TNFSF4: variants seen among roughly 807,000 people sequenced by gnomAD.
The protein encoded by TNFSF4 is TNF superfamily member 4.
A neutral mutation model predicts 7.3 loss-of-function variants in TNFSF4; 4 were observed. The ratio of observed to expected loss-of-function variants is 0.55; its 90% CI spans 0.27 to 1.25. TNFSF4 has a LOEUF of 1.25. Ranked by LOEUF, TNFSF4 falls within the 50% of genes most tolerant of loss-of-function variation. The pLI, the probability that TNFSF4 is intolerant of heterozygous loss-of-function variation, is 0.12. For synonymous variants in TNFSF4, 76 were observed against 83.7 expected, an observed-to-expected ratio of 0.91 and a Z score of 0.50; for missense variants, 181 against 208.8, an observed-to-expected ratio of 0.87 and a Z score of 0.82.
chr1:173,402,825 G>A, the TNFSF4 span, among the ~76,000 whole-genome samples: 1 of 152,006 alleles, frequency 6.6e-6, no homozygotes, highest in African/African-American at 2.4e-5. Context: ...CTGATTCAGG[G>A]AGTCTGAGGT....
At chr1:173,231,523 T>C in the TNFSF4 span, among the ~76,000 whole-genome samples, 1 of 152,212 alleles carries the variant, frequency 6.6e-6, no homozygotes, top group Non-Finnish European at 1.5e-5. Flanking sequence ...GCATTTCCTT[T>C]GAAAAGTGGC....
chr1:173,362,222 G>A, the TNFSF4 span, among the ~76,000 whole-genome samples: 1 of 152,180 alleles, frequency 6.6e-6, no homozygotes, highest in African/African-American at 2.4e-5. Context: ...GGCTGTTAAG[G>A]AAAGTTTAAG....
chr1:173,361,624 ACTTT>A, the TNFSF4 span, among the ~76,000 whole-genome samples: 36 of 151,936 alleles, frequency 2.4e-4, no homozygotes, highest in Non-Finnish European at 5.0e-4. Flanking sequence ...CATAGGTAAC[ACTTT>A]CTTTTTTTTT....
At chr1:173,312,852 A>G in the TNFSF4 span, among the ~76,000 whole-genome samples, 1 of 152,132 alleles carries the variant, frequency 6.6e-6, no homozygotes, top group Non-Finnish European at 1.5e-5. Flanking sequence ...AGTACCTGCT[A>G]CACGTGGATC....
At chr1:173,216,508 T>G in the TNFSF4 span, among the ~76,000 whole-genome samples, 1 of 152,178 alleles carries the variant, frequency 6.6e-6, no homozygotes, top group African/African-American at 2.4e-5. Context: ...AAAAATAAAT[T>G]ATTAATTTCA....
At chr1:173,445,079 G>T in the TNFSF4 span, among the ~76,000 whole-genome samples, 1 of 152,154 alleles carries the variant, frequency 6.6e-6, no homozygotes, top group Non-Finnish European at 1.5e-5. Context: ...CTTGAGAGAG[G>T]TAGTACAGAT....
At chr1:173,218,603 TA>T in the TNFSF4 span, among the ~76,000 whole-genome samples, 79,399 of 149,808 alleles carry the variant, frequency 0.53, 21,442 homozygotes, top group African/African-American at 0.65. Flanking sequence ...CCCTAAAATT[TA>T]AAAAAAAAAA....
the TNFSF4 span, among the ~76,000 whole-genome samples, chr1:173,326,456 C>G: frequency 6.6e-6 from 1 of 152,146 alleles, no homozygotes; most frequent in Non-Finnish European, 1.5e-5. Context: ...AAAACTGGCA[C>G]AAGACAGGGA....
At chr1:173,188,705 TTTGTTG>T (rs776294069) in intron 1 of TNFSF4, 136 bp from the exon 2 acceptor site, 2 of 727,352 alleles carry the variant, frequency 2.7e-6, no homozygotes, top group South Asian at 1.8e-5. Context: ...ACTTGACTTT[TTTGTTG>T]TTGTTGTTGT....
chr1:173,388,658 T>A, the TNFSF4 span, among the ~76,000 whole-genome samples: 1 of 152,218 alleles, frequency 6.6e-6, no homozygotes, highest in African/African-American at 2.4e-5. Context: ...TTAAAGAGAT[T>A]TATAAAAATG....
At chr1:173,358,462 G>T in the TNFSF4 span, among the ~76,000 whole-genome samples, 1 of 152,204 alleles carries the variant, frequency 6.6e-6, no homozygotes, top group Non-Finnish European at 1.5e-5. Context: ...ATAGACTGCT[G>T]CTGGGAGTAT....
At chr1:173,231,180 G>A in the TNFSF4 span, among the ~76,000 whole-genome samples, 2 of 152,156 alleles carry the variant, frequency 1.3e-5, no homozygotes, top group African/African-American at 2.4e-5. Flanking sequence ...GATGAACATC[G>A]ATGCAGAAAT....
intron 1 of TNFSF4, among the ~76,000 whole-genome samples, chr1:173,203,841 T>C (rs543139795): frequency 4.0e-4 from 61 of 152,340 alleles, no homozygotes; most frequent in African/African-American, 1.4e-3. Flanking sequence ...TCACACCTTA[T>C]AGGTCAGCTT....
chr1:173,313,596 G>A, the TNFSF4 span, among the ~76,000 whole-genome samples: 1 of 152,028 alleles, frequency 6.6e-6, no homozygotes, highest in African/African-American at 2.4e-5. Flanking sequence ...TTCTCCCAAT[G>A]CTTTAGATTT....
intron 1 of TNFSF4, among the ~76,000 whole-genome samples, chr1:173,200,540 A>G (rs1274447959): frequency 6.6e-6 from 1 of 152,256 alleles, no homozygotes; most frequent in Non-Finnish European, 1.5e-5. Flanking sequence ...ATCACCCAAC[A>G]CACAAGTAAT....
At chr1:173,321,020 A>G in the TNFSF4 span, among the ~76,000 whole-genome samples, 1 of 152,262 alleles carries the variant, frequency 6.6e-6, no homozygotes, top group Non-Finnish European at 1.5e-5. Flanking sequence ...CATATAGCCA[A>G]GAAAATCCTA....
At chr1:173,435,226 C>T in the TNFSF4 span, among the ~76,000 whole-genome samples, 15 of 152,304 alleles carry the variant, frequency 9.8e-5, no homozygotes, top group South Asian at 3.1e-3. Context: ...ACTAGAGATA[C>T]TCATCAATAG....
At chr1:173,233,921 G>A in the TNFSF4 span, among the ~76,000 whole-genome samples, 2 of 152,056 alleles carry the variant, frequency 1.3e-5, no homozygotes, top group Non-Finnish European at 2.9e-5. Context: ...TAAAAGCAAT[G>A]GCAACAAAAG....
chr1:173,307,638 T>C, the TNFSF4 span, among the ~76,000 whole-genome samples: 5 of 151,934 alleles, frequency 3.3e-5, no homozygotes, highest in Non-Finnish European at 7.4e-5. Context: ...AAAGAAGGTC[T>C]TTTGTTCTCA....
Sources: gnomAD v4.1 joint callset for allele counts (sites outside exome capture counted in the v4.1 genomes callset) on GRCh38, gnomAD v4.1.1 for gene constraint, MANE v1.5 for transcripts, NCBI Gene and HGNC (gene_info 2026-07-23, HGNC 2026-07-21) for gene names.